BICC1: variants seen among roughly 807,000 people sequenced by gnomAD.
The protein encoded by BICC1 is BicC family RNA binding protein 1, also known as protein bicaudal C homolog 1.
In BICC1, 43 loss-of-function variants were observed where a neutral mutation model predicts 111.0. The observed-to-expected ratio is 0.39, with a 90% CI of 0.30 to 0.50. The LOEUF is 0.50. Among genes scored for constraint, BICC1 ranks in the 20% least tolerant of loss-of-function variants. The pLI, the probability that BICC1 is intolerant of heterozygous loss-of-function variation, is 0.88. For synonymous variants in BICC1, 467 were observed against 434.4 expected (o/e 1.07, Z -0.93); for missense variants, 1,091 against 1,203.2 (o/e 0.91, Z 1.38).
At chr10:58,726,046 C>G (rs181477681) in intron 3 of BICC1, among the ~76,000 whole-genome samples, 1 of 152,248 alleles carries the variant, frequency 6.6e-6, no homozygotes, top group Non-Finnish European at 1.5e-5. Context: ...TGCTGTATTT[C>G]TTATATCCAC....
Position 58,799,089 on chromosome 10 carries a change from C to G in BICC1, c.1562C>G (p.Ser521Cys), listed in dbSNP as rs139125409. The G allele has an allele frequency of 6.2e-7, 1 of 1,612,526 alleles. No homozygotes were observed. The highest frequency in any genetic ancestry group is 8.5e-7 in the Non-Finnish European group (1 of 1,179,008). The change falls in exon 12 of 21, where the codon TCT (serine) becomes TGT (cysteine). Residue 521 changes from serine (S) to cysteine (C), a missense_variant. Coordinates refer to ENST00000373886, the MANE Select transcript of BICC1 (RefSeq NM_001080512.3). ...FSAIPHLMIPSTAQATLTNIL... is the reference protein window; with the variant it reads ...FSAIPHLMIPCTAQATLTNIL... Reference sequence around the variant, plus strand: ...GCTATACCACACCTTATGATTCCATCTACTGCCCAAGCCACATTAACTAAT... The same window carrying G: ...GCTATACCACACCTTATGATTCCATGTACTGCCCAAGCCACATTAACTAAT...
At chr10:58,515,068 T>C (rs899928121) in intron 1 of BICC1, among the ~76,000 whole-genome samples, 1 of 152,234 alleles carries the variant, frequency 6.6e-6, no homozygotes, top group African/African-American at 2.4e-5. Flanking sequence ...TAGAAGTGAA[T>C]TTCCTTTTTT....
At chr10:58,802,157 A>G (rs896269530) in intron 14 of BICC1, among the ~76,000 whole-genome samples, 11 of 152,032 alleles carry the variant, frequency 7.2e-5, no homozygotes, top group African/African-American at 2.4e-4. Context: ...CCTTTCCTTT[A>G]CTTATGCTCT....
chr10:58,534,902 A>G (rs998488094), intron 1 of BICC1, among the ~76,000 whole-genome samples: 14 of 151,630 alleles, frequency 9.2e-5, no homozygotes, highest in African/African-American at 3.1e-4. Context: ...AAGAAAACCA[A>G]TCAGAACTTC....
chr10:58,544,956 G>A (rs989584320), intron 1 of BICC1, among the ~76,000 whole-genome samples: 2 of 152,108 alleles, frequency 1.3e-5, no homozygotes, highest in South Asian at 2.1e-4. Context: ...AAGACAGTGT[G>A]AAGAGACACA....
At chr10:58,682,734 T>C (rs936657770) in intron 2 of BICC1, among the ~76,000 whole-genome samples, 5 of 152,312 alleles carry the variant, frequency 3.3e-5, no homozygotes, top group South Asian at 4.2e-4. Context: ...GGTTGTTTGA[T>C]TTTTTCTTGT....
intron 2 of BICC1, among the ~76,000 whole-genome samples, chr10:58,680,884 C>T (rs965093422): frequency 2.6e-5 from 4 of 152,232 alleles, no homozygotes; most frequent in Admixed American, 6.5e-5. Context: ...CTACAACCAT[C>T]TGATCTTTGA....
chr10:58,632,070 G>A (rs368540554), intron 2 of BICC1, among the ~76,000 whole-genome samples: 2 of 152,164 alleles, frequency 1.3e-5, no homozygotes, highest in African/African-American at 4.8e-5. Flanking sequence ...ATAGTTTTCG[G>A]TATGTAGTTG....
At chr10:58,785,193 G>T (rs1842976280) in intron 4 of BICC1, 113 bp downstream of exon 4, 2 of 545,936 alleles carry the variant, frequency 3.7e-6, no homozygotes. Context: ...AGTAATGGTG[G>T]GTTTTAAAAT....
chr10:58,655,042 A>C (rs1485996767), intron 2 of BICC1, among the ~76,000 whole-genome samples: 149 of 141,100 alleles, frequency 1.1e-3, no homozygotes, highest in Non-Finnish European at 1.8e-3. Context: ...ATTGATCTAT[A>C]TCTCTGTTTT....
intron 15 of BICC1, among the ~76,000 whole-genome samples, chr10:58,805,205 A>T (rs550634319): frequency 1.3e-5 from 2 of 152,110 alleles, no homozygotes; most frequent in Non-Finnish European, 2.9e-5. Flanking sequence ...AGATAGAAGA[A>T]TCACTTGAAC....
At chr10:58,731,354 A>T (rs1339009735) in intron 3 of BICC1, among the ~76,000 whole-genome samples, 2 of 152,146 alleles carry the variant, frequency 1.3e-5, no homozygotes, top group African/African-American at 4.8e-5. Context: ...AGGAAGTTCC[A>T]AACTTCCCTT....
intron 2 of BICC1, among the ~76,000 whole-genome samples, chr10:58,621,259 A>G (rs557542933): frequency 1.3e-5 from 2 of 152,328 alleles, no homozygotes; most frequent in African/African-American, 4.8e-5. Context: ...TATATGGTGA[A>G]TATGGTGGGG....
chr10:58,749,097 T>A (rs1324602243), intron 3 of BICC1, among the ~76,000 whole-genome samples: 2 of 152,290 alleles, frequency 1.3e-5, no homozygotes, highest in Admixed American at 1.3e-4. Context: ...TTGATATTCA[T>A]TTAATTGATA....
chr10:58,801,115 G>C, intron 14 of BICC1, 69 bp downstream of exon 14: 1 of 1,315,774 alleles, frequency 7.6e-7, no homozygotes, highest in South Asian at 1.9e-5. Context: ...CAACTCTATA[G>C]TTAGTACTCT....
chr10:58,645,503 G>C (rs1257642215), intron 2 of BICC1, among the ~76,000 whole-genome samples: 2 of 150,870 alleles, frequency 1.3e-5, no homozygotes, highest in African/African-American at 4.9e-5. Flanking sequence ...CAGGATGAAC[G>C]TGCTTTCAAA....
rs373533160 is a variant in BICC1, at chr10:58,754,361, G to C, written c.308-30640G>C. Among the ~76,000 whole-genome samples, 59 of 152,316 alleles carry C rather than the reference G, an allele frequency of 3.9e-4. 1 individual carries two copies. The South Asian group carries it at 0.012, about 31-fold the overall frequency. On this transcript the variant is annotated intron_variant, in intron 3 of 20. Transcript: ENST00000373886. ...TTTTTGATTCAGTTGAATAGTACTTGAAAGACTGAACGAATGTAGCAAATT... is the reference window on the plus strand; with the variant it reads ...TTTTTGATTCAGTTGAATAGTACTTCAAAGACTGAACGAATGTAGCAAATT...
At chr10:58,662,949 G>A (rs191604686) in intron 2 of BICC1, among the ~76,000 whole-genome samples, 50 of 152,008 alleles carry the variant, frequency 3.3e-4, no homozygotes, top group Admixed American at 3.3e-3. Flanking sequence ...GTCTAGAATA[G>A]TACCTGCCAC....
Position 58,592,875 on chromosome 10 carries a change from CAAAAAAAAAAAAAA to C in BICC1, c.191-27965_191-27952del, listed in dbSNP as rs969508229. Among the ~76,000 whole-genome samples, 315 of 46,676 alleles carry C rather than the reference CAAAAAAAAAAAAAA, an allele frequency of 6.7e-3. 1 individual carries two copies. Among genetic ancestry groups the C allele is most frequent in the African/African-American group, 0.025 (302 of 11,898 alleles). 30.6% of individuals were successfully genotyped at this position (46,676 alleles called of 152,430 possible). On this transcript the variant is annotated intron_variant, in intron 1 of 20. Transcript: ENST00000373886. The stretch of plus-strand genomic sequence containing the variant: ...CTGGCCACAGAGCAAGACTCCGTCT[CAAAAAAAAAAAAAA>C]AAAAAAAAAAAAAATCCTCTGCATT...
Sources: gnomAD v4.1 joint callset for allele counts (sites outside exome capture counted in the v4.1 genomes callset) on GRCh38, gnomAD v4.1.1 for gene constraint, MANE v1.5 for transcripts, NCBI Gene and HGNC (gene_info 2026-07-23, HGNC 2026-07-21) for gene names.